ASAP2: variants seen among roughly 807,000 people sequenced by gnomAD.
ASAP2 encodes the protein arf-GAP with SH3 domain, ANK repeat and PH domain-containing protein 2.
In ASAP2, 45 loss-of-function variants were observed where a neutral mutation model predicts 131.4. The ratio of observed to expected loss-of-function variants is 0.34; its 90% CI spans 0.27 to 0.44. The LOEUF is 0.44. Among genes scored for constraint, ASAP2 ranks in the 20% least tolerant of loss-of-function variants. ASAP2 has a pLI of 1.00. For missense variants in ASAP2, 1,011 were observed against 1,297.0 expected, an observed-to-expected ratio of 0.78 and a Z score of 3.39; for synonymous variants, 510 against 503.0, an observed-to-expected ratio of 1.01 and a Z score of -0.19.
At chr2:9,328,663 G>T (rs1670630233) in intron 7 of ASAP2, among the ~76,000 whole-genome samples, 2 of 152,192 alleles carry the variant, frequency 1.3e-5, no homozygotes, top group Admixed American at 6.5e-5. Flanking sequence ...CAGTACTTCA[G>T]TCTGACCCAC....
chr2:9,387,888 A>C (rs1234007674), intron 21 of ASAP2, among the ~76,000 whole-genome samples: 1 of 152,206 alleles, frequency 6.6e-6, no homozygotes, highest in Non-Finnish European at 1.5e-5. Context: ...ACCTCTTCAC[A>C]GGGTGGCAGG....
chr2:9,288,308 T>C (rs1667594840), intron 2 of ASAP2, among the ~76,000 whole-genome samples: 1 of 152,208 alleles, frequency 6.6e-6, no homozygotes, highest in African/African-American at 2.4e-5. Flanking sequence ...ATGAAAGATA[T>C]TTCTACACGT....
intron 2 of ASAP2, among the ~76,000 whole-genome samples, chr2:9,280,671 A>G (rs1056897950): frequency 6.6e-6 from 1 of 152,184 alleles, no homozygotes; most frequent in Non-Finnish European, 1.5e-5. Context: ...TGATCTGAAG[A>G]TTCACCCCAA....
chr2:9,245,772 G>C (rs550969561), intron 1 of ASAP2, among the ~76,000 whole-genome samples: 1 of 152,000 alleles, frequency 6.6e-6, no homozygotes, highest in East Asian at 1.9e-4. Context: ...TCGGTTCGTC[G>C]TCTGCCTCCA....
intron 2 of ASAP2, among the ~76,000 whole-genome samples, chr2:9,289,098 T>TACC (rs1667637586): frequency 6.6e-6 from 1 of 152,196 alleles, no homozygotes; most frequent in Non-Finnish European, 1.5e-5. Flanking sequence ...TCTTGCTAAG[T>TACC]TGTGTGTTGG....
chr2:9,298,126 G>A (rs1164818886), intron 3 of ASAP2, among the ~76,000 whole-genome samples: 1 of 152,144 alleles, frequency 6.6e-6, no homozygotes, highest in Non-Finnish European at 1.5e-5. Flanking sequence ...ATGGACCCTG[G>A]GATCGCTCCA....
chr2:9,371,335 C>T (rs188584413), intron 16 of ASAP2, among the ~76,000 whole-genome samples: 1 of 152,316 alleles, frequency 6.6e-6, no homozygotes, highest in Non-Finnish European at 1.5e-5. Context: ...ATAGTATACT[C>T]AGGCATTTAC....
At chr2:9,316,932 A>C (rs894043028) in intron 3 of ASAP2, among the ~76,000 whole-genome samples, 1 of 87,778 alleles carries the variant, frequency 1.1e-5, no homozygotes, top group Non-Finnish European at 2.3e-5. Context: ...CCCCCTCACA[A>C]TCACACCCTC....
At chr2:9,294,897 G>A (rs139804849) in intron 2 of ASAP2, among the ~76,000 whole-genome samples, 1 of 152,198 alleles carries the variant, frequency 6.6e-6, no homozygotes, top group Non-Finnish European at 1.5e-5. Flanking sequence ...GACCATGGAG[G>A]TTGCGTTCCT....
intron 5 of ASAP2, among the ~76,000 whole-genome samples, chr2:9,322,529 G>A (rs1670220805): frequency 6.7e-6 from 1 of 149,308 alleles, no homozygotes; most frequent in African/African-American, 2.6e-5. Context: ...TTACCCTGGT[G>A]GCTCTTCTTT....
At chr2:9,214,968 C>T (rs1048912277) in intron 1 of ASAP2, among the ~76,000 whole-genome samples, 5 of 152,118 alleles carry the variant, frequency 3.3e-5, no homozygotes, top group African/African-American at 1.2e-4. Flanking sequence ...AAATAAGATT[C>T]CGAAGGAAAC....
At chr2:9,244,593 A>G (rs1293035180) in intron 1 of ASAP2, among the ~76,000 whole-genome samples, 1 of 152,234 alleles carries the variant, frequency 6.6e-6, no homozygotes, top group Admixed American at 6.5e-5. Flanking sequence ...AACTTAGTTC[A>G]GAAGCACTTC....
intron 9 of ASAP2, among the ~76,000 whole-genome samples, chr2:9,342,967 A>G (rs1023212171): frequency 9.9e-5 from 15 of 152,192 alleles, no homozygotes; most frequent in African/African-American, 3.6e-4. Flanking sequence ...TTGACTCTTC[A>G]GTTCCTGAGT....
At chr2:9,399,772 G>A (rs961481880) in intron 24 of ASAP2, 42 of 540,006 alleles carry the variant, frequency 7.8e-5, no homozygotes, top group African/African-American at 6.1e-4. Flanking sequence ...CCTGGCCATC[G>A]GTGGCAGGCT....
chr2:9,292,114 A>T (rs1177399780), intron 2 of ASAP2, among the ~76,000 whole-genome samples: 3 of 152,160 alleles, frequency 2.0e-5, no homozygotes, highest in African/African-American at 7.2e-5. Flanking sequence ...AGACTAGGTC[A>T]TCTTTCAGGA....
chr2:9,379,915 C>G (rs1432573528), intron 19 of ASAP2, among the ~76,000 whole-genome samples: 1 of 151,756 alleles, frequency 6.6e-6, no homozygotes, highest in East Asian at 2.0e-4. Flanking sequence ...TCACTTGAAC[C>G]CGGGAGGCGG....
At chr2:9,220,456 C>T (rs1046309563) in intron 1 of ASAP2, among the ~76,000 whole-genome samples, 13 of 152,158 alleles carry the variant, frequency 8.5e-5, no homozygotes. Flanking sequence ...TTGTGTTTCT[C>T]TGATGGATGA....
At chr2:9,226,177 G>C (rs1443335012) in intron 1 of ASAP2, among the ~76,000 whole-genome samples, 2 of 152,218 alleles carry the variant, frequency 1.3e-5, no homozygotes, top group African/African-American at 4.8e-5. Flanking sequence ...AGACGATAAT[G>C]CTGTACACCA....
chr2:9,291,807 T>A (rs889729331), intron 2 of ASAP2, among the ~76,000 whole-genome samples: 1 of 152,122 alleles, frequency 6.6e-6, no homozygotes. Flanking sequence ...ATAAGGCTGG[T>A]GCACCCTGCC....
Sources: allele counts gnomAD v4.1 joint callset (sites outside exome capture counted in the v4.1 genomes callset), GRCh38; gene constraint gnomAD v4.1.1; transcripts MANE v1.5; gene names NCBI Gene and HGNC (gene_info 2026-07-23, HGNC 2026-07-21).